ZNF536: variants seen among roughly 807,000 people sequenced by gnomAD.
ZNF536 encodes zinc finger protein 536.
Under a neutral mutation model 84.5 loss-of-function variants are expected in ZNF536, and 13 were observed. That is an observed-to-expected ratio of 0.15 (90% CI 0.10 to 0.24). The LOEUF (loss-of-function observed/expected upper bound fraction) is 0.24, where lower values mean the gene tolerates loss of function less well. Among genes scored for constraint, ZNF536 ranks in the 10% least tolerant of loss-of-function variants. ZNF536 has a pLI of 1.00. For synonymous variants in ZNF536, 811 were observed against 742.5 expected, an observed-to-expected ratio of 1.09 and a Z score of -1.50; for missense variants, 1,536 against 1,747.5, an observed-to-expected ratio of 0.88 and a Z score of 2.16.
intron 3 of ZNF536, among the ~76,000 whole-genome samples, chr19:30,362,456 T>G (rs1385693819): frequency 6.6e-6 from 1 of 152,178 alleles, no homozygotes; most frequent in Non-Finnish European, 1.5e-5. Flanking sequence ...TAGGGCTGGC[T>G]CCACTGTCCA....
At chr19:30,496,203 G>A (rs534515000) in intron 2 of ZNF536, among the ~76,000 whole-genome samples, 1 of 152,088 alleles carries the variant, frequency 6.6e-6, no homozygotes, top group Non-Finnish European at 1.5e-5. Flanking sequence ...ATGATCCTGG[G>A]CCATCCTGGA....
At chr19:30,303,588 C>T (rs866214016) in intron 2 of ZNF536, among the ~76,000 whole-genome samples, 4 of 151,952 alleles carry the variant, frequency 2.6e-5, no homozygotes, top group Admixed American at 1.3e-4. Flanking sequence ...CTGCAACCTC[C>T]GCCTCCCAGG....
rs202224296 is a variant in ZNF536 at position 30,548,240 on chromosome 19, C to T, written c.2621C>T (p.Thr874Met). The T allele has an allele frequency of 1.2e-5, 20 of 1,614,182 alleles. No homozygotes were observed. The highest frequency in any genetic ancestry group is 6.7e-5 in the African/African-American group (5 of 75,052). ...TCTGGAGATCACTCGGGGCAGGCCA[C>T]GGGCATGTCTTCGGAGGTCCCCTCA... ...LSSGDHSGQATGMSSEVPSDA... is the reference protein window; with the variant it reads ...LSSGDHSGQAMGMSSEVPSDA... Residue 874 changes from threonine to methionine, a missense_variant, in exon 4 of 5, where the codon ACG (threonine) becomes ATG (methionine). Transcript: ENST00000355537.
intron 2 of ZNF536, among the ~76,000 whole-genome samples, chr19:30,459,776 C>T (rs568317789): frequency 6.6e-6 from 1 of 152,280 alleles, no homozygotes; most frequent in African/African-American, 2.4e-5. Flanking sequence ...GCATCAGGCT[C>T]TCTTCGCTGG....
intron 2 of ZNF536, among the ~76,000 whole-genome samples, chr19:30,481,264 G>A (rs1317672737): frequency 2.0e-5 from 3 of 152,118 alleles, no homozygotes; most frequent in Non-Finnish European, 4.4e-5. Flanking sequence ...ACATGTACTT[G>A]TATGTACATA....
chr19:30,516,954 G>A (rs1208601971), intron 2 of ZNF536, among the ~76,000 whole-genome samples: 2 of 152,164 alleles, frequency 1.3e-5, no homozygotes, highest in Non-Finnish European at 2.9e-5. Context: ...GGCCAGTGCA[G>A]CAGTGAAGAA....
intron 1 of ZNF536, among the ~76,000 whole-genome samples, chr19:30,691,222 G>T (rs546697148): frequency 3.2e-4 from 49 of 152,234 alleles, no homozygotes; most frequent in African/African-American, 9.4e-4. Context: ...TAACCGTGAG[G>T]TCTGCTCAGG....
chr19:30,424,038 C>T (rs1255799861), intron 1 of ZNF536, among the ~76,000 whole-genome samples: 1 of 152,190 alleles, frequency 6.6e-6, no homozygotes, highest in Non-Finnish European at 1.5e-5. Flanking sequence ...TGGGCTGGCC[C>T]TGCTTGCTGT....
intron 1 of ZNF536, among the ~76,000 whole-genome samples, chr19:30,566,315 A>G (rs892173): frequency 0.35 from 52,539 of 152,002 alleles, 9,089 homozygotes; most frequent in East Asian, 0.42. Flanking sequence ...CCCAAGGAAC[A>G]GCTCCCTTTA....
At chr19:30,287,670 G>GTGGATGGATGGA (rs575229970) in intron 2 of ZNF536, among the ~76,000 whole-genome samples, 7 of 63,198 alleles carry the variant, frequency 1.1e-4, no homozygotes, top group African/African-American at 5.3e-4. Flanking sequence ...GGATGGGTGG[G>GTGGATGGATGGA]TGGATGGATG....
chr19:30,684,091 G>C (rs759781078), intron 1 of ZNF536, among the ~76,000 whole-genome samples: 5 of 151,874 alleles, frequency 3.3e-5, no homozygotes, highest in Non-Finnish European at 7.4e-5. Flanking sequence ...ACAAGTAAAA[G>C]AACCAAGATC....
chr19:30,264,952 TGTGTGTGTGTGTGTGAGA>T (rs2025425578), intron 1 of ZNF536, among the ~76,000 whole-genome samples: 1 of 106,494 alleles, frequency 9.4e-6, no homozygotes, highest in Non-Finnish European at 1.7e-5. Flanking sequence ...TGTGTGTGTG[TGTGTGTGTGTGTGTGAGA>T]GAGAGAGAGA....
chr19:30,535,228 G>T (rs900111307), intron 3 of ZNF536, among the ~76,000 whole-genome samples: 1 of 152,190 alleles, frequency 6.6e-6, no homozygotes, highest in Non-Finnish European at 1.5e-5. Context: ...ATGTAGACTT[G>T]GATGGTCCTG....
chr19:30,569,689 G>A (rs906781811), intron 1 of ZNF536, among the ~76,000 whole-genome samples: 7 of 140,928 alleles, frequency 5.0e-5, no homozygotes, highest in African/African-American at 1.1e-4. Context: ...TCTTGCCTCC[G>A]CCTCTGCAGT....
At chr19:30,291,539 GT>G (rs1361076431) in intron 2 of ZNF536, among the ~76,000 whole-genome samples, 7 of 151,958 alleles carry the variant, frequency 4.6e-5, no homozygotes. Context: ...GGGTTTGTTT[GT>G]TTTTTTCTTG....
intron 1 of ZNF536, among the ~76,000 whole-genome samples, chr19:30,392,097 A>G (rs557595200): frequency 6.6e-6 from 1 of 152,274 alleles, no homozygotes; most frequent in African/African-American, 2.4e-5. Context: ...GGAGGTGCTC[A>G]GCTTCCAGGA....
intron 2 of ZNF536, among the ~76,000 whole-genome samples, chr19:30,465,463 G>GTATTTCT (rs1196697908): frequency 2.6e-5 from 4 of 152,126 alleles, no homozygotes; most frequent in Non-Finnish European, 5.9e-5. Flanking sequence ...TTTCTTTCTT[G>GTATTTCT]TGTATTTGTT....
At chr19:30,421,980 A>G (rs887378257) in intron 1 of ZNF536, among the ~76,000 whole-genome samples, 1 of 152,204 alleles carries the variant, frequency 6.6e-6, no homozygotes, top group African/African-American at 2.4e-5. Flanking sequence ...TTCCTTTTAA[A>G]TGCATTAAAG....
At chr19:30,329,668 T>C (rs1213233327) in intron 2 of ZNF536, among the ~76,000 whole-genome samples, 1 of 152,192 alleles carries the variant, frequency 6.6e-6, no homozygotes, top group African/African-American at 2.4e-5. Flanking sequence ...GACAAAAGTT[T>C]ATCAGGCCCC....
Sources: allele counts gnomAD v4.1 joint callset (sites outside exome capture counted in the v4.1 genomes callset), GRCh38; gene constraint gnomAD v4.1.1; transcripts MANE v1.5; gene names NCBI Gene and HGNC (gene_info 2026-07-23, HGNC 2026-07-21).